ADAMTS3: variants seen among roughly 807,000 people sequenced by gnomAD.
ADAMTS3 encodes ADAM metallopeptidase with thrombospondin type 1 motif 3.
A neutral mutation model predicts 129.0 loss-of-function variants in ADAMTS3; 73 were observed. That is an observed-to-expected ratio of 0.57 (90% CI 0.47 to 0.69). The LOEUF is 0.69. Ranked by LOEUF, ADAMTS3 falls within the 30% of genes least tolerant of loss-of-function variation. ADAMTS3 has a pLI of 0.00. For synonymous variants in ADAMTS3, 477 were observed against 510.8 expected, an observed-to-expected ratio of 0.93 and a Z score of 0.89; for missense variants, 1,457 against 1,514.5, an observed-to-expected ratio of 0.96 and a Z score of 0.63.
At chr4:72,429,975 G>A (rs1167729423) in intron 3 of ADAMTS3, among the ~76,000 whole-genome samples, 1 of 151,992 alleles carries the variant, frequency 6.6e-6, no homozygotes, top group African/African-American at 2.4e-5. Context: ...CCTAATAAAT[G>A]CCCAGGTAAC....
At chr4:72,287,344 GGA>G (rs370902411) in intron 21 of ADAMTS3, among the ~76,000 whole-genome samples, 1 of 151,366 alleles carries the variant, frequency 6.6e-6, no homozygotes. Context: ...TAAGAGACAG[GGA>G]GAGAGAGAGA....
At chr4:72,422,360 CAG>C (rs1400752927) in intron 3 of ADAMTS3, among the ~76,000 whole-genome samples, 3 of 152,010 alleles carry the variant, frequency 2.0e-5, no homozygotes, top group Non-Finnish European at 4.4e-5. Context: ...TTGATATATG[CAG>C]AGATTCTAAT....
chr4:72,529,577 A>G (rs1441515485), intron 3 of ADAMTS3, among the ~76,000 whole-genome samples: 2 of 145,710 alleles, frequency 1.4e-5, no homozygotes, highest in East Asian at 3.9e-4. Flanking sequence ...CGATATATAC[A>G]CATATATCAA....
intron 3 of ADAMTS3, among the ~76,000 whole-genome samples, chr4:72,481,635 TAGGCAAAG>T (rs1473390480): frequency 6.6e-6 from 1 of 152,070 alleles, no homozygotes; most frequent in African/African-American, 2.4e-5. Context: ...GATCTAGAGC[TAGGCAAAG>T]AGTTCTTATG....
At chr4:72,392,912 C>T (rs1211712835) in intron 4 of ADAMTS3, among the ~76,000 whole-genome samples, 1 of 126,028 alleles carries the variant, frequency 7.9e-6, no homozygotes, top group Admixed American at 1.0e-4. Flanking sequence ...TTCTACCCAT[C>T]GGATTTTTTT....
rs1250647192 is a variant in ADAMTS3, at chr4:72,384,722, GA to G, written c.661+30092del. Among the ~76,000 whole-genome samples, 21 of 152,186 alleles carry G rather than the reference GA, an allele frequency of 1.4e-4. 1 individual carries two copies. Among genetic ancestry groups the G allele is most frequent in the African/African-American group, 4.3e-4 (18 of 41,522 alleles). ...ATACCAGATAAAATCAGATGTCCAG[GA>G]AACAATATTGAACATCAAAAAGACC... On this transcript the variant is annotated intron_variant, in intron 4 of 21. Transcript: ENST00000286657.
At chr4:72,537,754 G>A (rs1721217944) in intron 3 of ADAMTS3, among the ~76,000 whole-genome samples, 2 of 151,738 alleles carry the variant, frequency 1.3e-5, no homozygotes, top group African/African-American at 2.4e-5. Flanking sequence ...AGAAAAGTAT[G>A]GTCCATTCAA....
intron 6 of ADAMTS3, among the ~76,000 whole-genome samples, chr4:72,321,121 C>G (rs537344506): frequency 6.6e-6 from 1 of 152,062 alleles, no homozygotes; most frequent in African/African-American, 2.4e-5. Flanking sequence ...ATATTTGAGA[C>G]AGAATCTCAC....
chr4:72,368,415 G>A (rs1404279030), intron 4 of ADAMTS3, among the ~76,000 whole-genome samples: 2 of 152,004 alleles, frequency 1.3e-5, no homozygotes, highest in East Asian at 3.9e-4. Flanking sequence ...AGTACAGATC[G>A]AACATTTTAA....
intron 4 of ADAMTS3, among the ~76,000 whole-genome samples, chr4:72,376,021 C>A (rs529509373): frequency 3.3e-4 from 50 of 152,250 alleles, no homozygotes; most frequent in Non-Finnish European, 6.8e-4. Context: ...AGTAGCAGTA[C>A]AGATATAGGG....
intron 5 of ADAMTS3, 135 bp downstream of exon 5, chr4:72,339,359 A>C (rs964402800): frequency 2.9e-5 from 22 of 760,962 alleles, no homozygotes; most frequent in Non-Finnish European, 4.8e-5. Context: ...GTAGATCAAT[A>C]ATTTAAATTT....
intron 4 of ADAMTS3, among the ~76,000 whole-genome samples, chr4:72,351,664 C>G (rs1304301649): frequency 6.6e-6 from 1 of 151,238 alleles, no homozygotes; most frequent in African/African-American, 2.4e-5. Context: ...AAGAAACTGT[C>G]TTCCAAGAGT....
chr4:72,478,158 C>T (rs955892600), intron 3 of ADAMTS3, among the ~76,000 whole-genome samples: 7 of 152,048 alleles, frequency 4.6e-5, no homozygotes, highest in Non-Finnish European at 8.8e-5. Context: ...TTCCAATCAA[C>T]AGAAAAAGAG....
At chr4:72,333,708 A>G (rs886375134) in intron 5 of ADAMTS3, among the ~76,000 whole-genome samples, 1 of 152,174 alleles carries the variant, frequency 6.6e-6, no homozygotes, top group African/African-American at 2.4e-5. Flanking sequence ...AATTTGAGCC[A>G]CAATGACCTT....
chr4:72,456,411 G>GTA (rs1038101395), intron 3 of ADAMTS3, among the ~76,000 whole-genome samples: 12 of 135,644 alleles, frequency 8.8e-5, no homozygotes, highest in Non-Finnish European at 1.9e-4. Flanking sequence ...TTTATATATA[G>GTA]TATATATATA....
At chr4:72,445,953 A>G (rs1235297846) in intron 3 of ADAMTS3, among the ~76,000 whole-genome samples, 1 of 151,750 alleles carries the variant, frequency 6.6e-6, no homozygotes, top group Non-Finnish European at 1.5e-5. Flanking sequence ...TTGAGTACAT[A>G]GTAGCCAGGA....
At chr4:72,436,574 C>T in intron 3 of ADAMTS3, among the ~76,000 whole-genome samples, 1 of 152,094 alleles carries the variant, frequency 6.6e-6, no homozygotes, top group East Asian at 1.9e-4. Flanking sequence ...TATTGCGGCA[C>T]TATTCACAAT....
intron 16 of ADAMTS3, 138 bp from the exon 17 acceptor site, chr4:72,304,218 A>C: frequency 2.5e-6 from 2 of 814,612 alleles, no homozygotes; most frequent in Non-Finnish European, 3.8e-6. Context: ...AATGGGTGTT[A>C]GTTCTGATAT....
chr4:72,331,367 T>C (rs890578597), intron 5 of ADAMTS3, among the ~76,000 whole-genome samples: 2 of 151,500 alleles, frequency 1.3e-5, no homozygotes, highest in Non-Finnish European at 2.9e-5. Context: ...CAACAAGGAG[T>C]TTGGACCCAG....
Sources: gnomAD v4.1 joint callset for allele counts (sites outside exome capture counted in the v4.1 genomes callset) on GRCh38, gnomAD v4.1.1 for gene constraint, MANE v1.5 for transcripts, NCBI Gene and HGNC (gene_info 2026-07-23, HGNC 2026-07-21) for gene names.